The following ZSWIM7 variants were observed in gnomAD, a reference collection of about 807,000 sequenced individuals.
ZSWIM7 encodes the protein zinc finger SWIM domain-containing protein 7.
In ZSWIM7, 22 loss-of-function variants were observed where a neutral mutation model predicts 21.1. The observed-to-expected ratio is 1.04, with a 90% CI of 0.74 to 1.49. The LOEUF (loss-of-function observed/expected upper bound fraction) is 1.49. Among genes scored for constraint, ZSWIM7 ranks in the 40% most tolerant of loss-of-function variants. The pLI, the probability that ZSWIM7 is intolerant of heterozygous loss-of-function variation, is 0.00. For missense variants in ZSWIM7, 193 were observed against 168.0 expected (o/e 1.15, Z -0.82); for synonymous variants, 67 against 66.5 (o/e 1.01, Z -0.04).
chr17:15,996,852 A>G (rs1970561216), intron 1 of ZSWIM7, among the ~76,000 whole-genome samples: 1 of 141,206 alleles, frequency 7.1e-6, no homozygotes, highest in Non-Finnish European at 1.5e-5. Context: ...CCTTGTCTCG[A>G]AAAAAAAAAA....
At chr17:15,981,364 C>A (rs1344716170) in intron 3 of ZSWIM7, among the ~76,000 whole-genome samples, 3 of 152,008 alleles carry the variant, frequency 2.0e-5, no homozygotes, top group African/African-American at 7.3e-5. Context: ...TATAAAGGAA[C>A]TGAAGAGTTT....
At chr17:15,981,886 A>G (rs866080077) in intron 3 of ZSWIM7, among the ~76,000 whole-genome samples, 9 of 152,246 alleles carry the variant, frequency 5.9e-5, no homozygotes, top group African/African-American at 2.2e-4. Context: ...ACTGCACTGC[A>G]GCCTGGGTGA....
chr17:15,978,209 G>T, intron 4 of ZSWIM7, 46 bp from the exon 5 acceptor site: 2 of 1,457,080 alleles, frequency 1.4e-6, no homozygotes, highest in South Asian at 1.1e-5. Flanking sequence ...GCAGGGCCAG[G>T]GCTGGCCAGT....
intron 2 of ZSWIM7, among the ~76,000 whole-genome samples, chr17:15,990,297 A>G (rs1332483118): frequency 6.6e-6 from 1 of 150,710 alleles, no homozygotes; most frequent in Non-Finnish European, 1.5e-5. Context: ...GATGCTTTTT[A>G]TAGGTTTTAT....
chr17:15,993,721 T>C, intron 2 of ZSWIM7, 36 bp downstream of exon 2: 1 of 1,387,928 alleles, frequency 7.2e-7, no homozygotes, highest in South Asian at 1.2e-5. Flanking sequence ...CATTAATGGT[T>C]AAAAAAAAAT....
rs531248068 is a variant in ZSWIM7, at chr17:15,980,029, G to C, written c.306+1011C>G. ...TCCCGGACGAGGCGGCTGGCCGGGCGGGGGGCTGACCCCCCCACCTCCCTC... is the reference window on the plus strand; with the variant it reads ...TCCCGGACGAGGCGGCTGGCCGGGCCGGGGGCTGACCCCCCCACCTCCCTC... On this transcript the variant is annotated intron_variant, in intron 4 of 4. Transcript: ENST00000399277. 9.0e-3 allele frequency among the ~76,000 whole-genome samples: 1,270 copies of C among 140,422 alleles called. 17 individuals carry two copies. Among genetic ancestry groups the C allele is most frequent in the African/African-American group, 0.033 (1,221 of 37,478 alleles). 92.1% of individuals were successfully genotyped at this position (140,422 alleles called of 152,430 possible). A position where few individuals can be genotyped will look rare whatever the true frequency, so the allele number is the denominator to read the frequency against.
chr17:15,984,336 T>C (rs1376283094), intron 3 of ZSWIM7, among the ~76,000 whole-genome samples: 1 of 152,206 alleles, frequency 6.6e-6, no homozygotes, highest in Non-Finnish European at 1.5e-5. Flanking sequence ...CCTTCACCCT[T>C]CAGTGAAAAA....
At position 15,978,159 on chromosome 17, in the gene ZSWIM7, T is replaced by A. The variant is rs1189512262; in HGVS notation, c.311A>T (p.Lys104Met). 6.2e-7 allele frequency: 1 copy of A among 1,613,130 alleles called. No homozygotes were observed. The highest frequency in any genetic ancestry group is 1.1e-5 in the South Asian group (1 of 91,064). ...ACTCAGGTAAACTGCCAAGAGATGC[T>A]TGCACTGGAATATAAAACACACACA... ...VLRKSDSILC[K>M]HLLAVYLSQV... Residue 104 changes from lysine (K) to methionine (M), a missense_variant, in exon 5 of 5, where the codon AAG becomes ATG. Coordinates refer to ENST00000399277, the MANE Select transcript of ZSWIM7 (RefSeq NM_001042697.2).
chr17:15,996,867 A>T (rs924132514), intron 1 of ZSWIM7, among the ~76,000 whole-genome samples: 31 of 150,902 alleles, frequency 2.1e-4, no homozygotes, highest in African/African-American at 5.4e-4. Flanking sequence ...AAAAAAAAAA[A>T]TTTTACATGG....
At chr17:15,984,952 C>T (rs1206465233) in intron 3 of ZSWIM7, among the ~76,000 whole-genome samples, 1 of 152,130 alleles carries the variant, frequency 6.6e-6, no homozygotes, top group Non-Finnish European at 1.5e-5. Flanking sequence ...GTCATTGATA[C>T]CACAGCATAA....
In ZSWIM7 at chr17:15,993,798, A is replaced by G; in HGVS notation, c.77-20T>C. The G allele has an allele frequency of 1.3e-6, 2 of 1,503,102 alleles. No individual in the cohort carries two copies. The highest frequency in any genetic ancestry group is 1.4e-5 in the African/African-American group (1 of 72,004). The allele number at this position is 1,503,102 out of a possible 1,614,324, so 93.1% of individuals were successfully genotyped here. ...CAGGAACTGTAAAATGAGAATGGAA[A>G]AAAAAAGTTAATCATATTAAGCAGT... On this transcript the variant is annotated intron_variant, in intron 1 of 4. Coordinates refer to ENST00000399277, the MANE Select transcript of ZSWIM7 (RefSeq NM_001042697.2).
chr17:15,982,870 C>CT (rs1970371283), intron 3 of ZSWIM7, among the ~76,000 whole-genome samples: 1 of 152,030 alleles, frequency 6.6e-6, no homozygotes, highest in Non-Finnish European at 1.5e-5. Context: ...CCAGGCTGGT[C>CT]TTTAACTGCT....
intron 3 of ZSWIM7, among the ~76,000 whole-genome samples, chr17:15,983,900 T>C (rs1393530828): frequency 6.6e-6 from 1 of 152,150 alleles, no homozygotes; most frequent in Admixed American, 6.5e-5. Context: ...AATTCTTGGG[T>C]GTCTAAACTA....
Position 15,987,321 on chromosome 17 carries a change from A to C in ZSWIM7, c.146T>G (p.Val49Gly). 1 of 1,613,770 alleles carries C rather than the reference A, an allele frequency of 6.2e-7. No homozygotes were observed. The highest frequency in any genetic ancestry group is 8.5e-7 in the Non-Finnish European group (1 of 1,179,854). Reference sequence around the variant, plus strand: ...GATTAAGGTGATGGACTGTCGATCAACTAGGTCCAAGGCCTGGGTGGCTGA... The same window carrying C: ...GATTAAGGTGATGGACTGTCGATCACCTAGGTCCAAGGCCTGGGTGGCTGA... ...GSSATQALDL[V>G]DRQSITLISS... Residue 49 changes from valine (V) to glycine (G), a missense_variant, in exon 3 of 5, where the codon GTT (valine) becomes GGT (glycine). By Grantham distance (109) the Val-to-Gly change is moderately radical. Transcript: ENST00000399277.
chr17:15,983,125 T>A (rs1453144929), intron 3 of ZSWIM7, among the ~76,000 whole-genome samples: 1 of 151,436 alleles, frequency 6.6e-6, no homozygotes, highest in Admixed American at 6.6e-5. Flanking sequence ...GGCGGGTGGA[T>A]CATGAGGTCA....
rs938941532 is a variant in ZSWIM7 at position 15,999,645 on chromosome 17, G to A, written c.-51C>T. ...ACCGGCGGACCGCCGCGACGCTCCA[G>A]CTGACTGCGCCTACCTGTGGAGGAT... On this transcript the variant is annotated 5_prime_UTR_variant, in exon 1 of 5. Coordinates refer to ENST00000399277, the MANE Select transcript of ZSWIM7 (RefSeq NM_001042697.2). 4 of 1,565,788 alleles carry A rather than the reference G, an allele frequency of 2.6e-6. No individual in the cohort carries two copies. Among genetic ancestry groups the A allele is most frequent in the Non-Finnish European group, 3.5e-6 (4 of 1,156,462 alleles).
chr17:15,998,864 C>T (rs1176037365), intron 1 of ZSWIM7, among the ~76,000 whole-genome samples: 4 of 151,696 alleles, frequency 2.6e-5, no homozygotes, highest in Non-Finnish European at 2.9e-5. Context: ...AAGCGATTCT[C>T]CTGCCTCAGC....
intron 1 of ZSWIM7, among the ~76,000 whole-genome samples, chr17:15,996,170 G>A (rs1970551477): frequency 6.6e-6 from 1 of 152,148 alleles, no homozygotes; most frequent in Non-Finnish European, 1.5e-5. Context: ...GGGCATGGTG[G>A]CGCATGCCTG....
chr17:15,996,323 A>G, intron 1 of ZSWIM7, among the ~76,000 whole-genome samples: 1 of 151,868 alleles, frequency 6.6e-6, no homozygotes, highest in East Asian at 1.9e-4. Flanking sequence ...CCAAAAAAAC[A>G]AAAAAACCCC....
Sources: gnomAD v4.1 joint callset for allele counts (sites outside exome capture counted in the v4.1 genomes callset) on GRCh38, gnomAD v4.1.1 for gene constraint, MANE v1.5 for transcripts, NCBI Gene and HGNC (gene_info 2026-07-23, HGNC 2026-07-21) for gene names.